The following CACNA1B variants were observed in gnomAD, a reference collection of about 807,000 sequenced individuals.
The protein encoded by CACNA1B is voltage-dependent N-type calcium channel subunit alpha-1B.
Under a neutral mutation model 247.2 loss-of-function variants are expected in CACNA1B, and 70 were observed. The observed-to-expected ratio is 0.28, with a 90% confidence interval of 0.23 to 0.35. The LOEUF (loss-of-function observed/expected upper bound fraction) is 0.35. Among genes scored for constraint, CACNA1B ranks in the 10% least tolerant of loss-of-function variants. CACNA1B has a pLI of 1.00. For missense variants in CACNA1B, 2,367 were observed against 3,197.4 expected (o/e 0.74, Z 6.26); for synonymous variants, 1,231 against 1,294.4 (o/e 0.95, Z 1.05).
At chr9:138,080,413 C>A (rs1960487963) in intron 36 of CACNA1B, among the ~76,000 whole-genome samples, 2 of 152,036 alleles carry the variant, frequency 1.3e-5, no homozygotes, top group South Asian at 4.1e-4. Context: ...GTGAGTGATG[C>A]CATCGGTAAA....
chr9:137,979,224 G>A (rs546734422), intron 12 of CACNA1B, among the ~76,000 whole-genome samples: 16 of 152,244 alleles, frequency 1.1e-4, no homozygotes, highest in African/African-American at 3.9e-4. Flanking sequence ...TATCTCTGGC[G>A]CAGGGTCCCC....
intron 15 of CACNA1B, among the ~76,000 whole-genome samples, chr9:137,989,480 G>A (rs1564224492): frequency 6.6e-6 from 1 of 152,184 alleles, no homozygotes; most frequent in African/African-American, 2.4e-5. Flanking sequence ...CATGTGCTCA[G>A]ATGATCAAGC....
chr9:137,947,124 A>G (rs553810926), intron 6 of CACNA1B, among the ~76,000 whole-genome samples: 33 of 152,296 alleles, frequency 2.2e-4, no homozygotes, highest in Middle Eastern at 6.8e-3. Flanking sequence ...ATGTAAATGA[A>G]GACTGGGCCT....
At chr9:138,087,105 G>A (rs1960716387) in intron 36 of CACNA1B, among the ~76,000 whole-genome samples, 2 of 151,164 alleles carry the variant, frequency 1.3e-5, no homozygotes, top group African/African-American at 4.9e-5. Context: ...TTACAATTTG[G>A]CCTGGCACAG....
At chr9:138,075,937 A>G (rs201417459) in intron 35 of CACNA1B, 27 bp downstream of exon 35, 3 of 1,466,182 alleles carry the variant, frequency 2.0e-6, no homozygotes, top group Non-Finnish European at 2.9e-6. Flanking sequence ...GCCCAGGCCA[A>G]TGTCTGCTCT....
intron 40 of CACNA1B, among the ~76,000 whole-genome samples, chr9:138,113,079 G>GT (rs1307335460): frequency 3.6e-5 from 4 of 112,356 alleles, no homozygotes; most frequent in African/African-American, 3.9e-5. Context: ...ACTCCATCTT[G>GT]GAGACGTGAG....
intron 20 of CACNA1B, among the ~76,000 whole-genome samples, chr9:138,034,675 G>A (rs1959022431): frequency 6.6e-6 from 1 of 152,018 alleles, no homozygotes; most frequent in Non-Finnish European, 1.5e-5. Flanking sequence ...ACTCAAATAA[G>A]AAACTTATTG....
intron 44 of CACNA1B, 74 bp downstream of exon 44, chr9:138,118,842 C>T (rs2131371979): frequency 1.7e-5 from 12 of 699,864 alleles, no homozygotes; most frequent in Non-Finnish European, 3.0e-5. Context: ...TGGCTCTGGG[C>T]CTCCTGCAGG....
At chr9:138,029,313 C>G (rs1266253200) in intron 20 of CACNA1B, among the ~76,000 whole-genome samples, 2 of 152,174 alleles carry the variant, frequency 1.3e-5, no homozygotes, top group Admixed American at 6.5e-5. Flanking sequence ...ATTATGTGGT[C>G]TTTAAATATT....
In CACNA1B at chr9:137,952,375, G is replaced by A. The variant is rs1424578865; in HGVS notation, c.1068G>A (p.Ser356=). Residue 356 remains serine, a splice_region_variant and synonymous_variant, in exon 7 of 47, where the codon TCG becomes TCA. Coordinates refer to ENST00000371372, the MANE Select transcript of CACNA1B (RefSeq NM_000718.4). The surrounding 1 kb of genome is among the most constrained non-coding windows in gnomAD (Gnocchi z 4.8). ...FMLNLVLGVL[S]GEFAKERERV... ...TCAACCTGGTGCTGGGCGTGCTCTCGGGGTGAGAGACCATGTGGGGGATGT... is the reference window on the plus strand; with the variant it reads ...TCAACCTGGTGCTGGGCGTGCTCTCAGGGTGAGAGACCATGTGGGGGATGT... The A allele has an allele frequency of 6.8e-6, 11 of 1,612,614 alleles. No individual in the cohort carries two copies. The highest frequency in any genetic ancestry group is 1.6e-4 in the Middle Eastern group (1 of 6,078).
chr9:138,077,930 C>T (rs920668922), intron 35 of CACNA1B, among the ~76,000 whole-genome samples, 184 bp from the exon 36 acceptor site: 7 of 152,220 alleles, frequency 4.6e-5, no homozygotes, highest in African/African-American at 1.2e-4. Flanking sequence ...CCAATTAATG[C>T]TCAGTTTGGA....
Position 138,057,728 on chromosome 9 carries a change from C to G in CACNA1B, c.3969-4C>G. The G allele has an allele frequency of 6.2e-7, 1 of 1,607,450 alleles. No individual in the cohort carries two copies. The highest frequency in any genetic ancestry group is 1.7e-5 in the Admixed American group (1 of 59,816). Reference sequence around the variant, plus strand: ...CCTCTAACCTCCCATGTTCTCATTCCTAGGGGTCAGTATTTGGATTATGAG... The same window carrying G: ...CCTCTAACCTCCCATGTTCTCATTCGTAGGGGTCAGTATTTGGATTATGAG... On this transcript the variant is annotated splice_polypyrimidine_tract_variant and splice_region_variant and intron_variant, in intron 26 of 46. Transcript: ENST00000371372. The surrounding 1 kb of genome is among the most constrained non-coding windows in gnomAD (Gnocchi z 4.0).
chr9:138,053,359 C>T (rs1959363182), intron 25 of CACNA1B, among the ~76,000 whole-genome samples: 1 of 152,186 alleles, frequency 6.6e-6, no homozygotes, highest in South Asian at 2.1e-4. Context: ...AGAGACACAG[C>T]ACCAGTCTTG....
chr9:138,026,708 A>G (rs922600635), intron 20 of CACNA1B, among the ~76,000 whole-genome samples: 1 of 152,210 alleles, frequency 6.6e-6, no homozygotes, highest in African/African-American at 2.4e-5. Context: ...ATTTTTGGCA[A>G]TTATGAATAA....
chr9:137,882,836 C>T lies in CACNA1B; in HGVS notation c.483C>T (p.Tyr161=), dbSNP rs554610494. 1.9e-6 allele frequency: 3 copies of T among 1,613,962 alleles called. No individual in the cohort carries two copies. Among genetic ancestry groups the T allele is most frequent in the African/African-American group, 1.3e-5 (1 of 75,054 alleles). Residue 161 remains tyrosine, a synonymous_variant, in exon 3 of 47, where the codon TAC becomes TAT. Coordinates refer to ENST00000371372, the MANE Select transcript of CACNA1B (RefSeq NM_000718.4). This position sits in a 1 kb window ranked among gnomAD's most constrained non-coding sequence, Gnocchi z 4.0. ...GCTTTGTCTTCCACAAGGGCTCTTA[C>T]CTGCGGAACGGCTGGAACGTCATGG... The part of the protein sequence containing the change: ...ALGFVFHKGS[Y]LRNGWNVMDF...
Position 138,073,892 on chromosome 9 carries a change from C to A in CACNA1B, c.4792-109C>A. On this transcript the variant is annotated intron_variant, in intron 33 of 46. Coordinates refer to ENST00000371372, the MANE Select transcript of CACNA1B (RefSeq NM_000718.4). The surrounding 1 kb of genome is among the most constrained non-coding windows in gnomAD (Gnocchi z 6.4). Reference sequence around the variant, plus strand: ...GGGCTTGGTGGCCAGTGGGATGGAGCTTGAGTAGGCTGAGGTCTGTGTGAC... The same window carrying A: ...GGGCTTGGTGGCCAGTGGGATGGAGATTGAGTAGGCTGAGGTCTGTGTGAC... 1.2e-6 allele frequency: 1 copy of A among 845,614 alleles called. No individual in the cohort carries two copies. Among genetic ancestry groups the A allele is most frequent in the Non-Finnish European group, 2.0e-6 (1 of 502,560 alleles). 52.4% of individuals were successfully genotyped at this position (845,614 alleles called of 1,614,324 possible).
At chr9:137,942,594 G>A (rs76593519) in intron 6 of CACNA1B, among the ~76,000 whole-genome samples, 1 of 152,132 alleles carries the variant, frequency 6.6e-6, no homozygotes, top group Non-Finnish European at 1.5e-5. Context: ...GTCAACCAGT[G>A]GATAAAGAAA....
chr9:138,080,285 C>T (rs1960481914), intron 36 of CACNA1B, among the ~76,000 whole-genome samples: 1 of 152,082 alleles, frequency 6.6e-6, no homozygotes, highest in East Asian at 1.9e-4. Context: ...GGGGCAATGC[C>T]ACTGGATTGG....
chr9:138,112,532 C>T, intron 40 of CACNA1B, 27 bp downstream of exon 40: 2 of 1,417,154 alleles, frequency 1.4e-6, no homozygotes, highest in Non-Finnish European at 2.0e-6. Context: ...GAAATGCCCC[C>T]AGCCCCCACC....
Sources: allele counts gnomAD v4.1 joint callset (sites outside exome capture counted in the v4.1 genomes callset), GRCh38; gene constraint gnomAD v4.1.1; non-coding constraint Gnocchi (gnomAD v3.1); transcripts MANE v1.5; gene names NCBI Gene and HGNC (gene_info 2026-07-23, HGNC 2026-07-21).